Variants in EXOC4 observed in about 807,000 individuals in gnomAD.
EXOC4 encodes the protein SEC8-like 1.
A neutral mutation model predicts 107.2 loss-of-function variants in EXOC4; 71 were observed. The ratio of observed to expected loss-of-function variants is 0.66; its 90% confidence interval spans 0.55 to 0.81. EXOC4 has a LOEUF of 0.81. Among genes scored for constraint, EXOC4 ranks in the 30% least tolerant of loss-of-function variants. EXOC4 has a pLI of 0.00. For missense variants in EXOC4, 1,108 were observed against 1,189.6 expected (o/e 0.93, Z 1.01); for synonymous variants, 456 against 441.2 (o/e 1.03, Z -0.42).
At chr7:133,563,021 A>T (rs192853474) in intron 9 of EXOC4, among the ~76,000 whole-genome samples, 1 of 152,270 alleles carries the variant, frequency 6.6e-6, no homozygotes, top group Admixed American at 6.5e-5. Context: ...TTTCAGTGAC[A>T]TTTTTTATTT....
intron 1 of EXOC4, chr7:133,253,639 A>C (rs916247122): frequency 7.0e-6 from 3 of 426,740 alleles, no homozygotes; most frequent in African/African-American, 2.2e-5. Context: ...GTGTTTTCAC[A>C]CTCTGGATAC....
intron 10 of EXOC4, among the ~76,000 whole-genome samples, chr7:133,684,914 AT>A (rs1284734688): frequency 6.6e-6 from 1 of 152,132 alleles, no homozygotes; most frequent in Non-Finnish European, 1.5e-5. Context: ...AAAGCATGTA[AT>A]TTTTGAAGGG....
chr7:134,093,997 A>G, the EXOC4 span, among the ~76,000 whole-genome samples: 3 of 152,194 alleles, frequency 2.0e-5, no homozygotes, highest in Non-Finnish European at 2.9e-5. Context: ...GCAATCTAAC[A>G]TCACACCCAG....
chr7:133,668,219 AT>A (rs1793860814), intron 10 of EXOC4, among the ~76,000 whole-genome samples: 1 of 152,254 alleles, frequency 6.6e-6, no homozygotes, highest in Non-Finnish European at 1.5e-5. Context: ...ATGGAAAATA[AT>A]TTTATAGAAG....
intron 10 of EXOC4, among the ~76,000 whole-genome samples, chr7:133,795,129 T>G (rs2111525): frequency 0.99 from 150,256 of 152,244 alleles, 74,189 homozygotes; most frequent in Middle Eastern, 1. Flanking sequence ...CATTGTTGAA[T>G]AGAACTATTA....
At chr7:133,338,011 C>CTT (rs35115594) in intron 5 of EXOC4, among the ~76,000 whole-genome samples, 15 of 141,288 alleles carry the variant, frequency 1.1e-4, no homozygotes, top group Admixed American at 9.7e-4. Context: ...GGTTTTCTTT[C>CTT]TTTTTTTTTT....
intron 17 of EXOC4, among the ~76,000 whole-genome samples, chr7:134,019,407 TTCTC>T (rs1169196081): frequency 3.6e-5 from 5 of 137,238 alleles, no homozygotes; most frequent in Non-Finnish European, 7.7e-5. Flanking sequence ...ATTGGTGACT[TTCTC>T]TCAGTGATGA....
chr7:133,551,307 T>C (rs768957284), intron 9 of EXOC4, among the ~76,000 whole-genome samples: 80 of 152,284 alleles, frequency 5.3e-4, no homozygotes, highest in Non-Finnish European at 1.0e-3. Context: ...ACGTACTTTT[T>C]AGTTGCACAG....
At chr7:133,381,602 A>T (rs898003946) in intron 7 of EXOC4, among the ~76,000 whole-genome samples, 2 of 152,200 alleles carry the variant, frequency 1.3e-5, no homozygotes, top group Admixed American at 6.5e-5. Context: ...TGTGGATCTG[A>T]TGAAAAGCTT....
intron 11 of EXOC4, among the ~76,000 whole-genome samples, chr7:133,885,989 T>G (rs552907061): frequency 2.6e-4 from 39 of 152,250 alleles, no homozygotes; most frequent in African/African-American, 9.1e-4. Context: ...GATCGAGAAG[T>G]AAGAGGCCTG....
chr7:133,996,908 G>A (rs1434295040), intron 14 of EXOC4, among the ~76,000 whole-genome samples: 1 of 152,210 alleles, frequency 6.6e-6, no homozygotes, highest in Admixed American at 6.5e-5. Context: ...CTTCAAGGAA[G>A]CCAAAATAGG....
At chr7:133,572,268 A>G (rs550403798) in intron 9 of EXOC4, among the ~76,000 whole-genome samples, 1 of 152,308 alleles carries the variant, frequency 6.6e-6, no homozygotes, top group East Asian at 1.9e-4. Flanking sequence ...GTTACAGCTT[A>G]TTGGAATAAC....
chr7:133,735,240 A>T (rs1229857479), intron 10 of EXOC4, among the ~76,000 whole-genome samples: 3 of 149,484 alleles, frequency 2.0e-5, no homozygotes, highest in Non-Finnish European at 4.5e-5. Context: ...AAAAAAAAAA[A>T]AAAAAAAAAA....
At chr7:133,286,497 C>T (rs1323835900) in intron 2 of EXOC4, among the ~76,000 whole-genome samples, 1 of 152,172 alleles carries the variant, frequency 6.6e-6, no homozygotes, top group Non-Finnish European at 1.5e-5. Context: ...CTGTGCATGT[C>T]TGATGATCCT....
chr7:133,567,740 G>A (rs1361440808), intron 9 of EXOC4, among the ~76,000 whole-genome samples: 2 of 152,110 alleles, frequency 1.3e-5, no homozygotes, highest in African/African-American at 2.4e-5. Flanking sequence ...GGGTCATTCC[G>A]TAGCAGAAAG....
intron 11 of EXOC4, among the ~76,000 whole-genome samples, chr7:133,832,411 C>T (rs192779727): frequency 3.3e-5 from 5 of 152,310 alleles, no homozygotes; most frequent in African/African-American, 9.6e-5. Flanking sequence ...TGATATCACA[C>T]AGAATGGTTT....
At chr7:133,756,249 T>C (rs1795914165) in intron 10 of EXOC4, among the ~76,000 whole-genome samples, 1 of 152,172 alleles carries the variant, frequency 6.6e-6, no homozygotes, top group South Asian at 2.1e-4. Context: ...CTTAACTGCT[T>C]TTTTTCCCCT....
intron 12 of EXOC4, among the ~76,000 whole-genome samples, chr7:133,910,058 G>A (rs1280583626): frequency 6.7e-6 from 1 of 149,484 alleles, no homozygotes; most frequent in Non-Finnish European, 1.5e-5. Context: ...CAAGTAACTG[G>A]GATCACAGGC....
At chr7:134,008,392 T>C (rs1794693064) in intron 17 of EXOC4, among the ~76,000 whole-genome samples, 1 of 152,224 alleles carries the variant, frequency 6.6e-6, no homozygotes, top group Admixed American at 6.5e-5. Flanking sequence ...AACGTTACTT[T>C]TAATGATGCC....
Sources: gnomAD v4.1 joint callset for allele counts (sites outside exome capture counted in the v4.1 genomes callset) on GRCh38, gnomAD v4.1.1 for gene constraint, MANE v1.5 for transcripts, NCBI Gene and HGNC (gene_info 2026-07-23, HGNC 2026-07-21) for gene names.